RAB6B: variants seen among roughly 807,000 people sequenced by gnomAD.
RAB6B encodes the protein ras-related protein Rab-6B.
Under a neutral mutation model 31.2 loss-of-function variants are expected in RAB6B, and 7 were observed. That is an observed-to-expected ratio of 0.22 (90% CI 0.13 to 0.42). The LOEUF (loss-of-function observed/expected upper bound fraction) is 0.42. Among genes scored for constraint, RAB6B ranks in the 10% least tolerant of loss-of-function variants. RAB6B has a pLI of 1.00. For missense variants in RAB6B, 149 were observed against 280.6 expected, an observed-to-expected ratio of 0.53 and a Z score of 3.35; for synonymous variants, 105 against 104.9, an observed-to-expected ratio of 1.00 and a Z score of -0.01.
chr3:133,854,440 A>G (rs1936046566), intron 2 of RAB6B, among the ~76,000 whole-genome samples: 1 of 152,224 alleles, frequency 6.6e-6, no homozygotes, highest in Non-Finnish European at 1.5e-5. Context: ...CAGCCAGTCC[A>G]CGATCCCTAT....
At chr3:133,858,526 T>C (rs1260784192) in intron 2 of RAB6B, among the ~76,000 whole-genome samples, 2 of 152,174 alleles carry the variant, frequency 1.3e-5, no homozygotes, top group African/African-American at 4.8e-5. Flanking sequence ...CAGATGGCTG[T>C]CCCTTCCTGT....
At chr3:133,893,418 T>C (rs530388530) in intron 1 of RAB6B, among the ~76,000 whole-genome samples, 1 of 152,302 alleles carries the variant, frequency 6.6e-6, no homozygotes, top group South Asian at 2.1e-4. Flanking sequence ...GGTGGGTTCA[T>C]TTCTTAGGCT....
At chr3:133,857,217 A>G (rs535079170) in intron 2 of RAB6B, among the ~76,000 whole-genome samples, 4 of 152,270 alleles carry the variant, frequency 2.6e-5, no homozygotes, top group South Asian at 2.1e-4. Flanking sequence ...TTTAATACCT[A>G]TATGAGCCAT....
intron 2 of RAB6B, among the ~76,000 whole-genome samples, chr3:133,851,763 T>C (rs897277360): frequency 6.6e-6 from 1 of 152,116 alleles, no homozygotes; most frequent in East Asian, 1.9e-4. Context: ...TTGCCTGAGG[T>C]CCCATAGCAA....
chr3:133,882,397 C>A (rs1407202539), intron 1 of RAB6B, among the ~76,000 whole-genome samples: 1 of 152,180 alleles, frequency 6.6e-6, no homozygotes, highest in Non-Finnish European at 1.5e-5. Context: ...GGGGAGGAGG[C>A]TATGCAAGGG....
chr3:133,830,272 T>G (rs1381811527), intron 7 of RAB6B, among the ~76,000 whole-genome samples: 1 of 152,210 alleles, frequency 6.6e-6, no homozygotes, highest in Non-Finnish European at 1.5e-5. Context: ...GCCAGCTCTC[T>G]CTCAGCATGG....
Position 133,825,494 on chromosome 3 carries a change from T to G in RAB6B, c.*3294A>C, listed in dbSNP as rs146976395. On this transcript the variant is annotated 3_prime_UTR_variant, in exon 8 of 8. Coordinates refer to ENST00000285208, the MANE Select transcript of RAB6B (RefSeq NM_016577.4). ...AGCAGCGATAGATAGCAAGGAGGCC[T>G]CTGACCAAGGGAAACTGCTGCCAAC... 4.1e-4 allele frequency: 63 copies of G among 152,338 alleles called. No individual in the cohort carries two copies. The highest frequency in any genetic ancestry group is 1.5e-3 in the African/African-American group (61 of 41,564). The allele number at this position is 152,338 out of a possible 1,614,324, so 9.4% of individuals were successfully genotyped here.
intron 6 of RAB6B, among the ~76,000 whole-genome samples, chr3:133,836,818 G>A (rs1935743670): frequency 6.6e-6 from 1 of 152,164 alleles, no homozygotes; most frequent in Non-Finnish European, 1.5e-5. Flanking sequence ...GGACACTCTA[G>A]TTAGGGTGGG....
Position 133,827,746 on chromosome 3 carries a change from ACC to A in RAB6B, c.*1040_*1041del, listed in dbSNP as rs55951806. 882 of 73,498 alleles carry A rather than the reference ACC, an allele frequency of 0.012. 20 individuals carry two copies. The highest frequency in any genetic ancestry group is 0.035 in the African/African-American group (455 of 13,098). 4.6% of individuals were successfully genotyped at this position (73,498 alleles called of 1,614,324 possible). ...TCAAGGTGGTGGTTCTGCAGACAAC[ACC>A]CCCCCCCCCCCCCGCCTCCCCATCA... On this transcript the variant is annotated 3_prime_UTR_variant, in exon 8 of 8. Transcript: ENST00000285208.
chr3:133,828,885 C>G, intron 7 of RAB6B, 33 bp from the exon 8 acceptor site: 1 of 1,560,134 alleles, frequency 6.4e-7, no homozygotes, highest in East Asian at 2.3e-5. Context: ...AGATGACTCT[C>G]CTGGACAAGC....
chr3:133,833,086 C>T (rs1355784183), intron 7 of RAB6B, among the ~76,000 whole-genome samples: 3 of 152,150 alleles, frequency 2.0e-5, no homozygotes, highest in East Asian at 1.9e-4. Flanking sequence ...GCAGGCACAG[C>T]GGAGATCGCC....
At chr3:133,874,211 T>C (rs1936361912) in intron 1 of RAB6B, among the ~76,000 whole-genome samples, 1 of 152,214 alleles carries the variant, frequency 6.6e-6, no homozygotes, top group Non-Finnish European at 1.5e-5. Context: ...CATCTATCTA[T>C]CTATAGTCAT....
chr3:133,872,804 T>C (rs1302283694), intron 1 of RAB6B, among the ~76,000 whole-genome samples: 1 of 152,200 alleles, frequency 6.6e-6, no homozygotes, highest in African/African-American at 2.4e-5. Flanking sequence ...AGCTCTTCAT[T>C]GGACATTTTA....
At chr3:133,845,084 G>C (rs930274034) in intron 2 of RAB6B, among the ~76,000 whole-genome samples, 9 of 152,280 alleles carry the variant, frequency 5.9e-5, no homozygotes, top group Admixed American at 1.3e-4. Context: ...AAACACCTCA[G>C]ACTCCACTGA....
intron 4 of RAB6B, among the ~76,000 whole-genome samples, chr3:133,840,509 G>A (rs1935810300): frequency 6.6e-6 from 1 of 152,264 alleles, no homozygotes; most frequent in Non-Finnish European, 1.5e-5. Flanking sequence ...TGGACAGAAG[G>A]GGTGGGCAGA....
chr3:133,855,012 T>C (rs1244997559), intron 2 of RAB6B, among the ~76,000 whole-genome samples: 1 of 152,248 alleles, frequency 6.6e-6, no homozygotes, highest in Non-Finnish European at 1.5e-5. Flanking sequence ...GTGCGTCTTC[T>C]TTTAGCCTTG....
chr3:133,830,898 T>C (rs1050881952), intron 7 of RAB6B, among the ~76,000 whole-genome samples: 2 of 152,224 alleles, frequency 1.3e-5, no homozygotes, highest in Non-Finnish European at 2.9e-5. Flanking sequence ...ATCTATGAGA[T>C]GCCAGTTAAA....
intron 1 of RAB6B, among the ~76,000 whole-genome samples, chr3:133,884,744 A>G (rs1936516096): frequency 6.6e-6 from 1 of 150,996 alleles, no homozygotes; most frequent in African/African-American, 2.4e-5. Context: ...AATGACAGAG[A>G]ATGGAGGACT....
intron 1 of RAB6B, among the ~76,000 whole-genome samples, chr3:133,887,699 G>C (rs138284680): frequency 1.3e-3 from 197 of 152,288 alleles, no homozygotes; most frequent in Non-Finnish European, 2.6e-3. Flanking sequence ...GTGACAGACC[G>C]GGAATAGAAT....
Sources: allele counts gnomAD v4.1 joint callset (sites outside exome capture counted in the v4.1 genomes callset), GRCh38; gene constraint gnomAD v4.1.1; transcripts MANE v1.5; gene names NCBI Gene and HGNC (gene_info 2026-07-23, HGNC 2026-07-21).